Variants in MAPRE2 observed in about 807,000 individuals in gnomAD.
MAPRE2 encodes the protein microtubule associated protein RP/EB family member 2, also known as microtubule-associated protein RP/EB family member 2.
In MAPRE2, 13 loss-of-function variants were observed where a neutral mutation model predicts 43.2. The ratio of observed to expected loss-of-function variants is 0.30; its 90% CI spans 0.20 to 0.48. MAPRE2 has a LOEUF of 0.48. Ranked by LOEUF, MAPRE2 falls within the 20% of genes least tolerant of loss-of-function variation. The pLI, the probability that MAPRE2 is intolerant of heterozygous loss-of-function variation, is 0.99. For synonymous variants in MAPRE2, 135 were observed against 148.8 expected, an observed-to-expected ratio of 0.91 and a Z score of 0.68; for missense variants, 161 against 400.2, an observed-to-expected ratio of 0.40 and a Z score of 5.10.
intron 1 of MAPRE2, among the ~76,000 whole-genome samples, chr18:35,066,064 G>T (rs534939812): frequency 6.6e-6 from 1 of 152,172 alleles, no homozygotes; most frequent in Non-Finnish European, 1.5e-5. Context: ...AATAAACCCC[G>T]CACAGTGAGT....
chr18:34,989,850 G>A (rs776121305), intron 1 of MAPRE2, among the ~76,000 whole-genome samples: 8 of 152,188 alleles, frequency 5.3e-5, no homozygotes, highest in South Asian at 4.2e-4. Context: ...AGGATCCCCC[G>A]GTAATCTGTT....
chr18:35,036,825 T>G (rs1461540879), upstream of MAPRE2, among the ~76,000 whole-genome samples: 1 of 152,206 alleles, frequency 6.6e-6, no homozygotes, highest in Non-Finnish European at 1.5e-5. Flanking sequence ...ATTCATTGAG[T>G]GCCTACTATC....
At chr18:35,110,076 A>C (rs1909110848) in intron 4 of MAPRE2, among the ~76,000 whole-genome samples, 1 of 152,056 alleles carries the variant, frequency 6.6e-6, no homozygotes, top group Non-Finnish European at 1.5e-5. Flanking sequence ...AATACTGTAC[A>C]CCTTTATGTA....
At chr18:35,014,918 C>G (rs1381464690) in intron 2 of MAPRE2, among the ~76,000 whole-genome samples, 1 of 152,004 alleles carries the variant, frequency 6.6e-6, no homozygotes, top group African/African-American at 2.4e-5. Context: ...CATGGAGTAC[C>G]AGGATCTAGT....
chr18:35,063,242 T>C (rs997147592), intron 1 of MAPRE2, among the ~76,000 whole-genome samples: 34 of 152,080 alleles, frequency 2.2e-4, no homozygotes, highest in African/African-American at 8.2e-4. Context: ...TAGCTGGGAC[T>C]ACAGGCGCAC....
At chr18:35,039,985 C>T (rs936799474), upstream of MAPRE2, among the ~76,000 whole-genome samples, 4 of 152,142 alleles carry the variant, frequency 2.6e-5, no homozygotes, top group Non-Finnish European at 5.9e-5. Context: ...GGGTGGACTG[C>T]CTGAGCTCAG....
chr18:35,050,601 C>T (rs1905888306), intron 1 of MAPRE2, among the ~76,000 whole-genome samples: 1 of 152,160 alleles, frequency 6.6e-6, no homozygotes, highest in South Asian at 2.1e-4. Context: ...AAAATATCCT[C>T]TTTGCATTTT....
At chr18:35,085,761 A>G (rs920689234) in intron 2 of MAPRE2, among the ~76,000 whole-genome samples, 8 of 152,228 alleles carry the variant, frequency 5.3e-5, no homozygotes, top group Non-Finnish European at 8.8e-5. Flanking sequence ...ATCTAATTTT[A>G]GAGACCAGAG....
At chr18:35,057,280 G>A (rs1383986301) in intron 1 of MAPRE2, among the ~76,000 whole-genome samples, 1 of 152,224 alleles carries the variant, frequency 6.6e-6, no homozygotes, top group East Asian at 1.9e-4. Flanking sequence ...CTCCCAAAGC[G>A]CTAGTATTAC....
At chr18:35,031,311 T>C (rs868127589) in intron 2 of MAPRE2, among the ~76,000 whole-genome samples, 15 of 152,350 alleles carry the variant, frequency 9.8e-5, no homozygotes, top group Middle Eastern at 3.4e-3. Context: ...ATTAAAATAT[T>C]ACTATCTTAA....
At chr18:34,988,385 A>T (rs954751397) in intron 1 of MAPRE2, among the ~76,000 whole-genome samples, 1 of 152,208 alleles carries the variant, frequency 6.6e-6, no homozygotes, top group Non-Finnish European at 1.5e-5. Context: ...CTTGAGTTTT[A>T]AAACTGGTTC....
intron 2 of MAPRE2, among the ~76,000 whole-genome samples, chr18:35,020,235 C>T (rs2097041047): frequency 6.6e-6 from 1 of 152,080 alleles, no homozygotes; most frequent in South Asian, 2.1e-4. Flanking sequence ...AGATAAGCCC[C>T]AGAGTGCCTC....
intron 1 of MAPRE2, chr18:34,978,611 C>A: frequency 1.5e-6 from 2 of 1,334,174 alleles, no homozygotes; most frequent in South Asian, 1.3e-5. Flanking sequence ...TTTTATCAAG[C>A]AAAAAGGGGT....
intron 1 of MAPRE2, among the ~76,000 whole-genome samples, chr18:34,980,031 C>CTTTTTTTTTTTTTTTTT (rs796434537): frequency 3.3e-4 from 15 of 46,142 alleles, no homozygotes; most frequent in African/African-American, 6.6e-4. Context: ...TTCTTTTTTT[C>CTTTTTTTTTTTTTTTTT]TTTTTTTTTT....
intron 2 of MAPRE2, among the ~76,000 whole-genome samples, chr18:35,085,926 G>A (rs1422017053): frequency 1.3e-5 from 2 of 152,180 alleles, no homozygotes; most frequent in Non-Finnish European, 2.9e-5. Flanking sequence ...ATACTAGCTT[G>A]AGATAATAAG....
intron 4 of MAPRE2, among the ~76,000 whole-genome samples, chr18:35,121,914 AG>A (rs1909694974): frequency 6.6e-6 from 1 of 152,246 alleles, no homozygotes; most frequent in Admixed American, 6.5e-5. Context: ...ATCAATGTTA[AG>A]TTTATGACAT....
In MAPRE2 at chr18:35,053,011, CACA is replaced by C. The variant is rs1906029196; in HGVS notation, c.122+11351_122+11353del. On this transcript the variant is annotated intron_variant, in intron 1 of 6. Coordinates refer to ENST00000300249, the MANE Select transcript of MAPRE2 (RefSeq NM_014268.4). The stretch of plus-strand genomic sequence containing the variant: ...TAACTTGAATATAAAGTCCCCCCCA[CACA>C]CACACACAAAAAGACCTAGTCTTTG... Among the ~76,000 whole-genome samples, 9 of 138,852 alleles carry C rather than the reference CACA, an allele frequency of 6.5e-5. 1 individual carries two copies. The highest frequency in any genetic ancestry group is 1.4e-4 in the Admixed American group (2 of 14,106). 91.1% of individuals were successfully genotyped at this position (138,852 alleles called of 152,430 possible).
chr18:35,142,345 TCA>T lies in MAPRE2; in HGVS notation c.*1977_*1978del, dbSNP rs1452911416. The stretch of plus-strand genomic sequence containing the variant: ...CCATTCTTCATCTGCTCTGGACATC[TCA>T]GTCATACCCAATGCTCAGTGGATCA... On this transcript the variant is annotated 3_prime_UTR_variant, in exon 7 of 7. Transcript: ENST00000300249. 6.6e-6 allele frequency: 1 copy of T among 152,284 alleles called. No homozygotes were observed. The highest frequency in any genetic ancestry group is 2.4e-5 in the African/African-American group (1 of 41,460). The allele number at this position is 152,284 out of a possible 1,614,324, so 9.4% of individuals were successfully genotyped here.
intron 2 of MAPRE2, among the ~76,000 whole-genome samples, chr18:35,094,650 C>G (rs960379881): frequency 1.3e-5 from 2 of 152,224 alleles, no homozygotes; most frequent in Middle Eastern, 6.8e-3. Flanking sequence ...AGTAGAAGAA[C>G]AATCTATAGG....
Sources: allele counts gnomAD v4.1 joint callset (sites outside exome capture counted in the v4.1 genomes callset), GRCh38; gene constraint gnomAD v4.1.1; transcripts MANE v1.5; gene names NCBI Gene and HGNC (gene_info 2026-07-23, HGNC 2026-07-21).